Variants in LNX1 observed in about 807,000 individuals in gnomAD.
LNX1 encodes the protein ligand of numb-protein X 1, also known as E3 ubiquitin-protein ligase LNX.
A neutral mutation model predicts 68.4 loss-of-function variants in LNX1; 54 were observed. That is an observed-to-expected ratio of 0.79 (90% confidence interval 0.63 to 0.99). The LOEUF (loss-of-function observed/expected upper bound fraction) is 0.99, where lower values mean the gene tolerates loss of function less well. Among genes scored for constraint, LNX1 ranks in the 50% least tolerant of loss-of-function variants. The probability of loss-of-function intolerance (pLI) is 0.00; values close to 1 mark genes in which losing one functional copy is unlikely to be tolerated. For synonymous variants in LNX1, 336 were observed against 350.0 expected (o/e 0.96, Z 0.45); for missense variants, 906 against 926.4 (o/e 0.98, Z 0.29).
intron 2 of LNX1, among the ~76,000 whole-genome samples, chr4:53,600,700 C>A (rs1038417297): frequency 6.6e-6 from 1 of 151,174 alleles, no homozygotes; most frequent in Non-Finnish European, 1.5e-5. Context: ...CCTGGATGGA[C>A]GGCCTCTGTT....
chr4:53,651,518 C>A (rs1361985593), intron 1 of LNX1, among the ~76,000 whole-genome samples: 1 of 152,232 alleles, frequency 6.6e-6, no homozygotes, highest in Non-Finnish European at 1.5e-5. Context: ...GTTCCAATTT[C>A]TAAAATTCCA....
chr4:53,602,472 AG>A (rs1733057404), intron 2 of LNX1, among the ~76,000 whole-genome samples: 1 of 152,216 alleles, frequency 6.6e-6, no homozygotes, highest in Non-Finnish European at 1.5e-5. Context: ...TGCAGCACTC[AG>A]TCACTCTGAC....
At chr4:53,526,439 C>T (rs1321482038) in intron 2 of LNX1, among the ~76,000 whole-genome samples, 5 of 143,764 alleles carry the variant, frequency 3.5e-5, no homozygotes, top group Admixed American at 3.4e-4. Flanking sequence ...AACTTAGTAT[C>T]AGAATGCCTA....
At chr4:53,471,978 C>G (rs1560613939) in intron 9 of LNX1, among the ~76,000 whole-genome samples, 1 of 152,188 alleles carries the variant, frequency 6.6e-6, no homozygotes. Flanking sequence ...CCAGCCATCC[C>G]ATTACTGGGT....
chr4:53,592,180 GCA>G (rs749192091), upstream of LNX1, among the ~76,000 whole-genome samples: 2 of 151,916 alleles, frequency 1.3e-5, no homozygotes, highest in Non-Finnish European at 1.5e-5. Context: ...GAGTCATACG[GCA>G]GTTACAGTGC....
chr4:53,582,988 C>A (rs1311206819), intron 1 of LNX1, among the ~76,000 whole-genome samples: 4 of 152,186 alleles, frequency 2.6e-5, no homozygotes, highest in Non-Finnish European at 5.9e-5. Flanking sequence ...ACTGCCCTGG[C>A]CCTAGCTGTA....
chr4:53,605,080 A>G (rs1022907580), intron 2 of LNX1, among the ~76,000 whole-genome samples: 2 of 152,180 alleles, frequency 1.3e-5, no homozygotes, highest in East Asian at 3.9e-4. Flanking sequence ...TAGAACTGGC[A>G]TAGCACCACT....
rs1218590266 is a variant in LNX1 at position 53,460,773 on chromosome 4, A to AGAT, written c.*131_*133dup. The AGAT allele has an allele frequency of 5.5e-6, 5 of 909,596 alleles. No individual in the cohort carries two copies. In the Admixed American group the frequency reaches 9.1e-5, roughly 17 times the overall value. The allele number at this position is 909,596 out of a possible 1,614,324, so 56.3% of individuals were successfully genotyped here. ...TTCTGAGGTGTAACTGGCTTTCATT[A>AGAT]GATGATCATACTTTTCCTGACATTT... On this transcript the variant is annotated 3_prime_UTR_variant, in exon 11 of 11. Transcript: ENST00000263925.
At chr4:53,464,920 T>C (rs1378312717) in intron 9 of LNX1, among the ~76,000 whole-genome samples, 1 of 152,118 alleles carries the variant, frequency 6.6e-6, no homozygotes, top group African/African-American at 2.4e-5. Context: ...ATTCATGAAT[T>C]TCTTCTGTGT....
At chr4:53,617,013 A>T (rs1733705258) in intron 1 of LNX1, among the ~76,000 whole-genome samples, 1 of 152,210 alleles carries the variant, frequency 6.6e-6, no homozygotes, top group Non-Finnish European at 1.5e-5. Context: ...TTAGCCAAGA[A>T]ACAAGTATTA....
At chr4:53,523,210 A>C (rs1393464323) in intron 2 of LNX1, 4 of 152,226 alleles carry the variant, frequency 2.6e-5, no homozygotes, top group Non-Finnish European at 5.9e-5. Context: ...CCTGACAAAG[A>C]ATAAGGATTG....
chr4:53,487,503 T>G (rs1431051083), intron 6 of LNX1, among the ~76,000 whole-genome samples: 1 of 152,218 alleles, frequency 6.6e-6, no homozygotes, highest in East Asian at 1.9e-4. Flanking sequence ...TTAAGAAAGT[T>G]AAGAGTTGCC....
Position 53,476,709 on chromosome 4 carries a change from C to A in LNX1, c.1892+44G>T, listed in dbSNP as rs747571449. On this transcript the variant is annotated intron_variant, in intron 9 of 10. Transcript: ENST00000263925. ...GAAAGAGTGGTTTAAGAAATGTAAT[C>A]GTTTTCTCCCACGCCCCTACAGGGA... 5.9e-6 allele frequency: 9 copies of A among 1,516,162 alleles called. No individual in the cohort carries two copies. The Admixed American group carries it at 1.3e-4, about 23-fold the overall frequency. The allele number at this position is 1,516,162 out of a possible 1,614,324, so 93.9% of individuals were successfully genotyped here.
At chr4:53,529,417 G>A (rs1352698716) in intron 2 of LNX1, among the ~76,000 whole-genome samples, 1 of 152,188 alleles carries the variant, frequency 6.6e-6, no homozygotes, top group African/African-American at 2.4e-5. Flanking sequence ...TAACGTGGGT[G>A]CTGATTTTTA....
At chr4:53,527,707 A>T (rs972228749) in intron 2 of LNX1, among the ~76,000 whole-genome samples, 13 of 152,192 alleles carry the variant, frequency 8.5e-5, no homozygotes, top group Admixed American at 7.2e-4. Context: ...TAAAGCTCAT[A>T]CTCACACATC....
chr4:53,625,620 C>T (rs1352041134), intron 1 of LNX1, among the ~76,000 whole-genome samples: 1 of 152,046 alleles, frequency 6.6e-6, no homozygotes, highest in Non-Finnish European at 1.5e-5. Context: ...AACATAGTGA[C>T]ACCCTGTCTC....
chr4:53,467,041 C>T (rs1247208911), intron 9 of LNX1, among the ~76,000 whole-genome samples: 1 of 152,208 alleles, frequency 6.6e-6, no homozygotes, highest in Non-Finnish European at 1.5e-5. Flanking sequence ...GGGCAGACTG[C>T]CTCCTCAAGT....
intron 2 of LNX1, among the ~76,000 whole-genome samples, chr4:53,561,380 A>T (rs1730274596): frequency 6.6e-6 from 1 of 152,014 alleles, no homozygotes; most frequent in South Asian, 2.1e-4. Context: ...GGCATGCACC[A>T]CCACACCCAG....
At chr4:53,567,491 A>T (rs1730782198) in intron 2 of LNX1, among the ~76,000 whole-genome samples, 2 of 152,252 alleles carry the variant, frequency 1.3e-5, no homozygotes, top group African/African-American at 4.8e-5. Flanking sequence ...GACGCATGCA[A>T]AGCAGTGTGT....
Sources: gnomAD v4.1 joint callset for allele counts (sites outside exome capture counted in the v4.1 genomes callset) on GRCh38, gnomAD v4.1.1 for gene constraint, MANE v1.5 for transcripts, NCBI Gene and HGNC (gene_info 2026-07-23, HGNC 2026-07-21) for gene names.